The following TRMT11 variants were observed in gnomAD, a reference collection of about 807,000 sequenced individuals.
The protein encoded by TRMT11 is tRNA (guanine(10)-N(2))-methyltransferase TRMT11.
Under a neutral mutation model 62.8 loss-of-function variants are expected in TRMT11, and 53 were observed. The ratio of observed to expected loss-of-function variants is 0.84; its 90% CI spans 0.68 to 1.06. The LOEUF (loss-of-function observed/expected upper bound fraction) is 1.06. Ranked by LOEUF, TRMT11 falls within the 50% of genes least tolerant of loss-of-function variation. TRMT11 has a pLI of 0.00. For synonymous variants in TRMT11, 188 were observed against 190.3 expected (o/e 0.99, Z 0.10); for missense variants, 556 against 553.4 (o/e 1.00, Z -0.05).
intron 1 of TRMT11, among the ~76,000 whole-genome samples, chr6:126,192,359 A>T (rs1016496267): frequency 2.0e-5 from 3 of 152,104 alleles, no homozygotes; most frequent in African/African-American, 4.8e-5. Flanking sequence ...TTAGGTTTTT[A>T]TAAATATAAG....
intron 21 of TRMT11, among the ~76,000 whole-genome samples, chr6:126,137,487 G>T (rs1236579202): frequency 2.0e-5 from 3 of 151,676 alleles, no homozygotes; most frequent in Admixed American, 1.3e-4. Flanking sequence ...ACGAATGCTG[G>T]CAAGGACGCA....
intron 17 of TRMT11, among the ~76,000 whole-genome samples, chr6:126,090,013 T>C (rs1777256720): frequency 6.6e-6 from 1 of 152,222 alleles, no homozygotes; most frequent in African/African-American, 2.4e-5. Flanking sequence ...TGTTGTCTGC[T>C]CCACCTGGCC....
chr6:126,035,249 A>C (rs1176252852), intron 12 of TRMT11, among the ~76,000 whole-genome samples: 1 of 152,110 alleles, frequency 6.6e-6, no homozygotes, highest in Non-Finnish European at 1.5e-5. Context: ...GAAATATTTT[A>C]TGAACTATGG....
intron 12 of TRMT11, among the ~76,000 whole-genome samples, chr6:126,022,139 T>G (rs1250883914): frequency 6.6e-6 from 1 of 150,596 alleles, no homozygotes; most frequent in Non-Finnish European, 1.5e-5. Flanking sequence ...CACCTTCTGG[T>G]TTCAAGTGAT....
chr6:126,125,214 C>T (rs1264291013), intron 21 of TRMT11, among the ~76,000 whole-genome samples: 1 of 151,916 alleles, frequency 6.6e-6, no homozygotes, highest in Non-Finnish European at 1.5e-5. Context: ...GCGTTGATAC[C>T]CTCCTTGGTT....
At chr6:126,182,539 G>A (rs1162972529) in intron 1 of TRMT11, among the ~76,000 whole-genome samples, 1 of 151,562 alleles carries the variant, frequency 6.6e-6, no homozygotes, top group Admixed American at 6.6e-5. Context: ...TCCCTTATGG[G>A]GTCTGTGCTT....
intron 17 of TRMT11, among the ~76,000 whole-genome samples, chr6:126,077,889 G>A (rs968672221): frequency 6.6e-6 from 1 of 152,292 alleles, no homozygotes. Flanking sequence ...TAAATATGGT[G>A]AGAGTCAGAG....
At chr6:126,045,967 C>A (rs939075485) in intron 16 of TRMT11, among the ~76,000 whole-genome samples, 4 of 151,894 alleles carry the variant, frequency 2.6e-5, no homozygotes, top group African/African-American at 9.7e-5. Flanking sequence ...AGGGATATAT[C>A]CCTGAGACAA....
At chr6:126,067,340 G>A (rs948533088) in intron 17 of TRMT11, among the ~76,000 whole-genome samples, 1 of 152,062 alleles carries the variant, frequency 6.6e-6, no homozygotes, top group African/African-American at 2.4e-5. Context: ...TGCTACTTCA[G>A]AATCACCTCT....
chr6:126,212,934 A>G, the TRMT11 span, among the ~76,000 whole-genome samples: 3 of 152,104 alleles, frequency 2.0e-5, no homozygotes, highest in East Asian at 5.8e-4. Context: ...ATCCATTTTG[A>G]TTTTATTTCT....
chr6:126,224,478 GC>G, the TRMT11 span, among the ~76,000 whole-genome samples: 1 of 152,192 alleles, frequency 6.6e-6, no homozygotes, highest in Admixed American at 6.5e-5. Context: ...CAGGCCCATG[GC>G]TTTTTTCTTT....
intron 7 of TRMT11, 47 bp downstream of exon 7, chr6:125,999,660 A>T: frequency 6.7e-7 from 1 of 1,499,718 alleles, no homozygotes; most frequent in Non-Finnish European, 9.0e-7. Context: ...TTGCTTATTT[A>T]TATTAATGAA....
chr6:125,998,214 T>C lies in TRMT11; in HGVS notation c.295-9T>C, dbSNP rs753590453. ...AAATACTCAAAAAACTGATTTCCTT[T>C]TATTTTAGGTTCCATTTCTACATTC... On this transcript the variant is annotated splice_polypyrimidine_tract_variant and intron_variant, in intron 4 of 12. Transcript: ENST00000334379. 1.9e-6 allele frequency: 3 copies of C among 1,599,388 alleles called. No individual in the cohort carries two copies. The highest frequency in any genetic ancestry group is 1.1e-5 in the South Asian group (1 of 90,540).
chr6:126,094,115 A>C (rs548961671), intron 17 of TRMT11, among the ~76,000 whole-genome samples: 94 of 151,768 alleles, frequency 6.2e-4, no homozygotes, highest in Middle Eastern at 6.8e-3. Flanking sequence ...ACACACACAC[A>C]CCCCAAACTT....
intron 17 of TRMT11, among the ~76,000 whole-genome samples, chr6:126,076,273 C>T (rs1331791182): frequency 6.6e-6 from 1 of 152,184 alleles, no homozygotes; most frequent in Non-Finnish European, 1.5e-5. Context: ...TGGGCATGTG[C>T]CCTATACCTG....
chr6:126,036,356 G>A (rs746194796), intron 12 of TRMT11, among the ~76,000 whole-genome samples: 22 of 152,056 alleles, frequency 1.4e-4, no homozygotes. Context: ...AATAAATTAG[G>A]TTTGGTCTCA....
intron 21 of TRMT11, among the ~76,000 whole-genome samples, chr6:126,133,111 C>G (rs1562330203): frequency 6.6e-6 from 1 of 151,830 alleles, no homozygotes. Flanking sequence ...GAAATGGAAC[C>G]CACAAAATAA....
chr6:126,141,771 A>G (rs576151915), intron 21 of TRMT11, among the ~76,000 whole-genome samples: 1 of 152,228 alleles, frequency 6.6e-6, no homozygotes, highest in East Asian at 1.9e-4. Context: ...TTTGCAAGAT[A>G]TTAATAAATG....
At chr6:126,023,731 C>T (rs986169794) in intron 12 of TRMT11, among the ~76,000 whole-genome samples, 18 of 152,130 alleles carry the variant, frequency 1.2e-4, no homozygotes, top group African/African-American at 2.2e-4. Flanking sequence ...GCTGGTGAGT[C>T]GCTTGATCTC....
Sources: allele counts gnomAD v4.1 joint callset (sites outside exome capture counted in the v4.1 genomes callset), GRCh38; gene constraint gnomAD v4.1.1; transcripts MANE v1.5; gene names NCBI Gene and HGNC (gene_info 2026-07-23, HGNC 2026-07-21).